Variants in GRID2 observed in about 807,000 individuals in gnomAD.
GRID2 encodes the protein glutamate receptor ionotropic, delta-2.
GRID2 carries 33 observed loss-of-function variants against 114.8 expected under a neutral mutation model. The observed-to-expected ratio is 0.29, with a 90% confidence interval of 0.22 to 0.38. The LOEUF (loss-of-function observed/expected upper bound fraction) is 0.38. Ranked by LOEUF, GRID2 falls within the 10% of genes least tolerant of loss-of-function variation. GRID2 has a pLI of 1.00. For missense variants in GRID2, 1,184 were observed against 1,257.7 expected (o/e 0.94, Z 0.89); for synonymous variants, 505 against 449.9 (o/e 1.12, Z -1.55).
At chr4:93,288,761 C>A (rs1229154955) in intron 8 of GRID2, among the ~76,000 whole-genome samples, 1 of 152,020 alleles carries the variant, frequency 6.6e-6, no homozygotes, top group Non-Finnish European at 1.5e-5. Context: ...TTAAAGATAC[C>A]TTTTCCATTG....
chr4:92,928,823 T>C (rs1025687161), intron 2 of GRID2, among the ~76,000 whole-genome samples: 1 of 151,514 alleles, frequency 6.6e-6, no homozygotes, highest in Admixed American at 6.6e-5. Context: ...CAGAATTCAG[T>C]TGAGGTTTGT....
At chr4:93,743,855 C>A (rs1731616644) in intron 14 of GRID2, among the ~76,000 whole-genome samples, 1 of 152,170 alleles carries the variant, frequency 6.6e-6, no homozygotes, top group Non-Finnish European at 1.5e-5. Context: ...AAGATGCTGT[C>A]TATCACTTTC....
chr4:92,669,848 A>C (rs142664803), intron 2 of GRID2, among the ~76,000 whole-genome samples: 105 of 152,158 alleles, frequency 6.9e-4, no homozygotes, highest in African/African-American at 2.4e-3. Context: ...GCCACCTTCC[A>C]ATAACAATTA....
At chr4:92,983,704 A>T (rs2149191922) in intron 2 of GRID2, among the ~76,000 whole-genome samples, 1 of 152,224 alleles carries the variant, frequency 6.6e-6, no homozygotes, top group South Asian at 2.1e-4. Context: ...TAGTGCCTAC[A>T]TAGATAAATT....
intron 13 of GRID2, among the ~76,000 whole-genome samples, chr4:93,567,583 G>T (rs149123552): frequency 0.031 from 4,769 of 152,226 alleles, 129 homozygotes; most frequent in African/African-American, 0.067. Flanking sequence ...TGAAGAAAAG[G>T]CTAAAATAAG....
At chr4:93,018,222 GA>G (rs3078566) in intron 2 of GRID2, among the ~76,000 whole-genome samples, 10,894 of 139,330 alleles carry the variant, frequency 0.078, 456 homozygotes, top group African/African-American at 0.13. Context: ...GTATTTTGTT[GA>G]AAAAAAAAAA....
intron 14 of GRID2, among the ~76,000 whole-genome samples, chr4:93,718,082 G>T (rs2110186714): frequency 6.6e-6 from 1 of 152,078 alleles, no homozygotes; most frequent in Admixed American, 6.6e-5. Flanking sequence ...AGTGAAACCT[G>T]GTCTCTACTA....
At chr4:92,945,952 A>G (rs905330014) in intron 2 of GRID2, among the ~76,000 whole-genome samples, 1 of 152,098 alleles carries the variant, frequency 6.6e-6, no homozygotes, top group Non-Finnish European at 1.5e-5. Context: ...TTATTAGCGC[A>G]TGCCTTTTTA....
intron 8 of GRID2, among the ~76,000 whole-genome samples, chr4:93,335,936 A>G (rs959667173): frequency 4.6e-5 from 7 of 152,048 alleles, no homozygotes; most frequent in African/African-American, 1.7e-4. Context: ...ATCTGCTCAC[A>G]TTGGCCTCCC....
At chr4:93,083,747 G>A (rs1299211156) in intron 2 of GRID2, among the ~76,000 whole-genome samples, 1 of 150,398 alleles carries the variant, frequency 6.6e-6, no homozygotes, top group East Asian at 1.9e-4. Flanking sequence ...ACATTTATTG[G>A]AAATCAGTAT....
chr4:93,090,727 G>A (rs1253721201), intron 3 of GRID2, among the ~76,000 whole-genome samples: 2 of 152,074 alleles, frequency 1.3e-5, no homozygotes, highest in African/African-American at 2.4e-5. Context: ...TTCAAATCAT[G>A]TGTCTTCAGA....
chr4:92,314,427 G>A (rs530194895), intron 1 of GRID2, among the ~76,000 whole-genome samples: 1 of 152,124 alleles, frequency 6.6e-6, no homozygotes, highest in East Asian at 1.9e-4. Flanking sequence ...TCCTCTGAGT[G>A]CATTCTGTTA....
At chr4:92,421,661 C>T (rs1233470484) in intron 1 of GRID2, among the ~76,000 whole-genome samples, 1 of 152,090 alleles carries the variant, frequency 6.6e-6, no homozygotes, top group African/African-American at 2.4e-5. Context: ...AGAGTAAAAA[C>T]AAGCTAGAGT....
chr4:93,309,424 C>T (rs1321548192), intron 8 of GRID2, among the ~76,000 whole-genome samples: 2 of 152,028 alleles, frequency 1.3e-5, no homozygotes, highest in African/African-American at 2.4e-5. Flanking sequence ...GACCCAGCTA[C>T]TCAGGAGGCT....
chr4:93,217,021 A>G lies in GRID2; in HGVS notation c.963+110A>G, dbSNP rs17020265. ...GAATTATACGTGTTATTTCTGAACA[A>G]TTCTCCTCCAGCAATTTCATAAGTC... On this transcript the variant is annotated intron_variant, in intron 6 of 15. Transcript: ENST00000282020. 0.011 allele frequency: 7,714 copies of G among 681,428 alleles called. 85 individuals carry two copies. Among genetic ancestry groups the G allele is most frequent in the South Asian group, 0.025 (1,121 of 45,232 alleles). The allele number at this position is 681,428 out of a possible 1,614,324, so 42.2% of individuals were successfully genotyped here. A position where few individuals can be genotyped will look rare whatever the true frequency, so the allele number is the denominator to read the frequency against.
intron 2 of GRID2, among the ~76,000 whole-genome samples, chr4:93,056,810 G>T (rs767461264): frequency 7.2e-5 from 11 of 151,876 alleles, no homozygotes; most frequent in Non-Finnish European, 1.0e-4. Context: ...CTATTGCTTA[G>T]CTACTGAATC....
At chr4:92,536,412 G>A (rs1725634697) in intron 1 of GRID2, among the ~76,000 whole-genome samples, 1 of 152,056 alleles carries the variant, frequency 6.6e-6, no homozygotes, top group Non-Finnish European at 1.5e-5. Context: ...AACCCAGCCG[G>A]CTTCACCTCT....
chr4:92,466,952 A>G (rs963123998), intron 1 of GRID2, among the ~76,000 whole-genome samples: 2 of 151,780 alleles, frequency 1.3e-5, no homozygotes, highest in African/African-American at 4.8e-5. Flanking sequence ...CCTCGAATTA[A>G]CGGTGTAGAG....
chr4:93,017,144 T>A (rs1288556681), intron 2 of GRID2, among the ~76,000 whole-genome samples: 1 of 152,210 alleles, frequency 6.6e-6, no homozygotes, highest in Admixed American at 6.5e-5. Context: ...GGTAATATTT[T>A]GTTTCCCATG....
Sources: gnomAD v4.1 joint callset for allele counts (sites outside exome capture counted in the v4.1 genomes callset) on GRCh38, gnomAD v4.1.1 for gene constraint, MANE v1.5 for transcripts, NCBI Gene and HGNC (gene_info 2026-07-23, HGNC 2026-07-21) for gene names.